The following GLCCI1 variants were observed in gnomAD, a reference collection of about 807,000 sequenced individuals.
The protein encoded by GLCCI1 is glucocorticoid induced 1, also known as glucocorticoid-induced transcript 1 protein.
Under a neutral mutation model 52.2 loss-of-function variants are expected in GLCCI1, and 24 were observed. That is an observed-to-expected ratio of 0.46 (90% CI 0.33 to 0.65). GLCCI1 has a LOEUF of 0.65. Among genes scored for constraint, GLCCI1 ranks in the 30% least tolerant of loss-of-function variants. GLCCI1 has a pLI of 0.02. For missense variants in GLCCI1, 704 were observed against 701.5 expected, an observed-to-expected ratio of 1.00 and a Z score of -0.04; for synonymous variants, 310 against 276.5, an observed-to-expected ratio of 1.12 and a Z score of -1.20.
intron 5 of GLCCI1, among the ~76,000 whole-genome samples, chr7:8,066,733 G>A (rs1241211786): frequency 6.6e-6 from 1 of 151,928 alleles, no homozygotes; most frequent in Admixed American, 6.6e-5. Context: ...TTATTGTACT[G>A]TGGTCCAAGA....
intron 3 of GLCCI1, among the ~76,000 whole-genome samples, chr7:8,048,722 G>A (rs1186060696): frequency 6.6e-6 from 1 of 152,238 alleles, no homozygotes; most frequent in East Asian, 1.9e-4. Context: ...TAAGACTCCT[G>A]ATTTAGAGAC....
At chr7:8,082,001 G>A (rs539096756) in intron 6 of GLCCI1, among the ~76,000 whole-genome samples, 21 of 152,256 alleles carry the variant, frequency 1.4e-4, no homozygotes, top group African/African-American at 4.8e-4. Context: ...TTCTAGTTAT[G>A]ATCCTATATT....
intron 1 of GLCCI1, among the ~76,000 whole-genome samples, chr7:7,977,487 A>G (rs1212354536): frequency 1.3e-5 from 2 of 152,216 alleles, no homozygotes; most frequent in African/African-American, 2.4e-5. Context: ...TTATTTTCCA[A>G]ATGGTTCCAT....
rs1349516579 is a variant in GLCCI1 at position 8,086,172 on chromosome 7, A to T, written c.1299-21A>T. 1 of 1,559,624 alleles carries T rather than the reference A, an allele frequency of 6.4e-7. No individual in the cohort carries two copies. The highest frequency in any genetic ancestry group is 8.7e-7 in the Non-Finnish European group (1 of 1,151,276). On this transcript the variant is annotated intron_variant, in intron 7 of 7. Transcript: ENST00000223145. This position sits in a 1 kb window ranked among gnomAD's most constrained non-coding sequence, Gnocchi z 4.4. Reference sequence around the variant, plus strand: ...TTTCTGTGTTCATGATTATAAATCTAATTTTGTTTTATGGTTTTAGGTCTC... The same window carrying T: ...TTTCTGTGTTCATGATTATAAATCTTATTTTGTTTTATGGTTTTAGGTCTC...
intron 1 of GLCCI1, among the ~76,000 whole-genome samples, chr7:7,987,406 C>A (rs143489930): frequency 6.6e-6 from 1 of 152,302 alleles, no homozygotes; most frequent in African/African-American, 2.4e-5. Flanking sequence ...ACCTTTACAT[C>A]GTACTGTCAC....
At chr7:8,068,366 A>T (rs907935472) in intron 5 of GLCCI1, among the ~76,000 whole-genome samples, 1 of 152,132 alleles carries the variant, frequency 6.6e-6, no homozygotes, top group African/African-American at 2.4e-5. Flanking sequence ...GAAAAAAAAA[A>T]TTTCGTCTTA....
In GLCCI1 at chr7:8,023,588, CTTTTTTTTT is replaced by C. The variant is rs571726894; in HGVS notation, c.696+1039_696+1047del. ...AGATGGTCATCTAATCTCTGTTATT[CTTTTTTTTT>C]TTTTTTTTTTTTTTTTTTTGAGGTG... On this transcript the variant is annotated intron_variant, in intron 3 of 7. Transcript: ENST00000223145. Among the ~76,000 whole-genome samples the C allele has an allele frequency of 6.8e-3, 287 of 41,982 alleles. 1 individual carries two copies. Among genetic ancestry groups the C allele is most frequent in the African/African-American group, 0.01 (101 of 9,800 alleles). 27.5% of individuals were successfully genotyped at this position (41,982 alleles called of 152,430 possible).
intron 3 of GLCCI1, among the ~76,000 whole-genome samples, chr7:8,034,313 T>A (rs1275235752): frequency 6.6e-6 from 1 of 152,078 alleles, no homozygotes. Context: ...AATATATTAA[T>A]TAGACATTCT....
intron 1 of GLCCI1, among the ~76,000 whole-genome samples, chr7:7,973,456 T>A (rs7793278): frequency 6.7e-6 from 1 of 150,022 alleles, no homozygotes; most frequent in African/African-American, 2.4e-5. Flanking sequence ...TAAAGATAGA[T>A]CATTAGGATT....
chr7:8,061,116 T>C (rs1782504818), intron 5 of GLCCI1, among the ~76,000 whole-genome samples: 2 of 151,798 alleles, frequency 1.3e-5, no homozygotes, highest in South Asian at 2.1e-4. Context: ...TTTTTTTTTT[T>C]TGAGGTGGAG....
intron 1 of GLCCI1, among the ~76,000 whole-genome samples, chr7:7,989,782 A>G (rs1780803754): frequency 6.6e-6 from 1 of 152,136 alleles, no homozygotes; most frequent in Non-Finnish European, 1.5e-5. Flanking sequence ...CCTGGTAGAT[A>G]AGTCTTGCAT....
chr7:7,995,033 T>G (rs1438865397), intron 1 of GLCCI1, among the ~76,000 whole-genome samples: 1 of 152,216 alleles, frequency 6.6e-6, no homozygotes. Flanking sequence ...GTTTTGTGTA[T>G]GTCTGTGTAT....
intron 5 of GLCCI1, among the ~76,000 whole-genome samples, chr7:8,063,532 A>AT (rs1474931453): frequency 1.4e-5 from 2 of 146,814 alleles, no homozygotes; most frequent in Non-Finnish European, 3.0e-5. Context: ...AATGTGGAGC[A>AT]TTTTTTCATA....
At position 7,980,115 on chromosome 7, in the gene GLCCI1, G is replaced by C. The variant is rs554763297; in HGVS notation, c.457+10308G>C. Among the ~76,000 whole-genome samples the C allele has an allele frequency of 2.6e-5, 4 of 151,988 alleles. No homozygotes were observed. In the South Asian group the frequency reaches 8.3e-4, roughly 32 times the overall value. On this transcript the variant is annotated intron_variant, in intron 1 of 7. Coordinates refer to ENST00000223145, the MANE Select transcript of GLCCI1 (RefSeq NM_138426.4). Reference sequence around the variant, plus strand: ...GTATTTTTAGTAGAGATGGGGTTTCGAACTCCTGGCCTCAAGTGATCCACC... The same window carrying C: ...GTATTTTTAGTAGAGATGGGGTTTCCAACTCCTGGCCTCAAGTGATCCACC...
intron 1 of GLCCI1, among the ~76,000 whole-genome samples, chr7:7,982,469 A>C (rs1446770581): frequency 6.6e-6 from 1 of 152,210 alleles, no homozygotes; most frequent in African/African-American, 2.4e-5. Flanking sequence ...TCATTTTTGA[A>C]GTCTTTCACA....
At chr7:8,024,556 AG>A (rs1781571838) in intron 3 of GLCCI1, among the ~76,000 whole-genome samples, 1 of 152,234 alleles carries the variant, frequency 6.6e-6, no homozygotes, top group African/African-American at 2.4e-5. Context: ...AGAATTGAAG[AG>A]TGCTGGGAAT....
chr7:8,041,043 C>A (rs1461301447), intron 3 of GLCCI1, among the ~76,000 whole-genome samples: 1 of 152,056 alleles, frequency 6.6e-6, no homozygotes, highest in Non-Finnish European at 1.5e-5. Flanking sequence ...CAGTACAGAC[C>A]AAAAACTAGG....
At chr7:8,052,486 T>G (rs1782280587) in intron 3 of GLCCI1, among the ~76,000 whole-genome samples, 1 of 152,184 alleles carries the variant, frequency 6.6e-6, no homozygotes, top group Non-Finnish European at 1.5e-5. Context: ...CAGGATATAT[T>G]TGTCCCACTG....
At chr7:8,056,017 G>A (rs927633787) in intron 4 of GLCCI1, among the ~76,000 whole-genome samples, 1 of 142,444 alleles carries the variant, frequency 7.0e-6, no homozygotes, top group Non-Finnish European at 1.5e-5. Flanking sequence ...ACAAAAACCA[G>A]CCAGGGGCAG....
Sources: gnomAD v4.1 joint callset for allele counts (sites outside exome capture counted in the v4.1 genomes callset) on GRCh38, gnomAD v4.1.1 for gene constraint, Gnocchi (gnomAD v3.1) non-coding constraint, MANE v1.5 for transcripts, NCBI Gene and HGNC (gene_info 2026-07-23, HGNC 2026-07-21) for gene names.